Variants in PRKN observed in about 807,000 individuals in gnomAD.
PRKN encodes parkin RBR E3 ubiquitin protein ligase.
Under a neutral mutation model 59.5 loss-of-function variants are expected in PRKN, and 56 were observed. That is an observed-to-expected ratio of 0.94 (90% CI 0.76 to 1.18). The LOEUF (loss-of-function observed/expected upper bound fraction) is 1.18. Ranked by LOEUF, PRKN falls within the 50% of genes most tolerant of loss-of-function variation. PRKN has a pLI of 0.00. For synonymous variants in PRKN, 250 were observed against 222.1 expected (o/e 1.13, Z -1.12); for missense variants, 657 against 596.4 (o/e 1.10, Z -1.06).
chr6:161,569,851 A>G lies in PRKN; in HGVS notation c.872-435T>C, dbSNP rs535479586. Among the ~76,000 whole-genome samples, 70 of 152,112 alleles carry G rather than the reference A, an allele frequency of 4.6e-4. 1 individual carries two copies. Among genetic ancestry groups the G allele is most frequent in the Non-Finnish European group, 8.4e-4 (57 of 68,034 alleles). ...CACCATCAAGGCCAGGGGCCTGCTC[A>G]TTGAGAGGTAAGAGCAAAGGTCGGG... On this transcript the variant is annotated intron_variant, in intron 7 of 11. Transcript: ENST00000366898.
intron 1 of PRKN, among the ~76,000 whole-genome samples, chr6:162,460,684 A>C (rs1440568163): frequency 1.3e-5 from 2 of 152,160 alleles, no homozygotes; most frequent in African/African-American, 4.8e-5. Context: ...CTTCACTTTA[A>C]ATGTTTTTTC....
At chr6:162,583,276 T>C (rs550775126) in intron 1 of PRKN, among the ~76,000 whole-genome samples, 62 of 152,326 alleles carry the variant, frequency 4.1e-4, no homozygotes, top group Non-Finnish European at 7.2e-4. Flanking sequence ...TATTCTGTTA[T>C]AGCAGCATAA....
At position 161,369,684 on chromosome 6, in the gene PRKN, G is replaced by A. The variant is rs1210043042; in HGVS notation, c.1168-9479C>T. 6.6e-6 allele frequency among the ~76,000 whole-genome samples: 1 copy of A among 152,060 alleles called. No individual in the cohort carries two copies. The highest frequency in any genetic ancestry group is 1.9e-4 in the East Asian group (1 of 5,184). On this transcript the variant is annotated intron_variant, in intron 10 of 11. Coordinates refer to ENST00000366898, the MANE Select transcript of PRKN (RefSeq NM_004562.3). The surrounding 1 kb of genome is among the most constrained non-coding windows in gnomAD (Gnocchi z 5.8). ...GTGTGTACGCACGCGTGGTGGAGGT[G>A]GGGGTGGAACAGGACAAGTCTCTCT...
In PRKN at chr6:161,447,833, C is replaced by A. The variant is rs1364798086; in HGVS notation, c.1084-60956G>T. Among the ~76,000 whole-genome samples, 1 of 152,102 alleles carries A rather than the reference C, an allele frequency of 6.6e-6. No individual in the cohort carries two copies. The highest frequency in any genetic ancestry group is 2.4e-5 in the African/African-American group (1 of 41,430). Reference sequence around the variant, plus strand: ...ACACATACATACATATATGTAAAAACAAAAGAAAATTTCAGGACCTTCCAA... The same window carrying A: ...ACACATACATACATATATGTAAAAAAAAAAGAAAATTTCAGGACCTTCCAA... On this transcript the variant is annotated intron_variant, in intron 9 of 11. Coordinates refer to ENST00000366898, the MANE Select transcript of PRKN (RefSeq NM_004562.3). The surrounding 1 kb of genome is among the most constrained non-coding windows in gnomAD (Gnocchi z 4.1).
chr6:161,368,728 C>T (rs1266374241), intron 10 of PRKN, among the ~76,000 whole-genome samples: 2 of 151,846 alleles, frequency 1.3e-5, no homozygotes, highest in African/African-American at 4.8e-5. Context: ...CCCACCCGCC[C>T]TTCTGCCCTG....
At chr6:162,716,782 A>ACG (rs747110353) in intron 1 of PRKN, among the ~76,000 whole-genome samples, 2,040 of 128,304 alleles carry the variant, frequency 0.016, 44 homozygotes, top group African/African-American at 0.066. Context: ...GCACACACAC[A>ACG]CGCGCACACA....
chr6:161,734,244 T>C (rs915704489), intron 7 of PRKN, among the ~76,000 whole-genome samples: 1 of 152,114 alleles, frequency 6.6e-6, no homozygotes, highest in Admixed American at 6.5e-5. Context: ...TTCCAGCCCA[T>C]ACAAAGTCAT....
At chr6:161,879,965 C>A (rs888959994) in intron 6 of PRKN, among the ~76,000 whole-genome samples, 1 of 152,056 alleles carries the variant, frequency 6.6e-6, no homozygotes, top group African/African-American at 2.4e-5. Flanking sequence ...GATGAAAATG[C>A]ACAGAATAAA....
At chr6:162,299,163 G>A (rs551999400) in intron 2 of PRKN, among the ~76,000 whole-genome samples, 8 of 152,332 alleles carry the variant, frequency 5.3e-5, no homozygotes, top group Admixed American at 3.9e-4. Flanking sequence ...CCTTAACAGC[G>A]AAGACGCATC....
chr6:162,292,721 C>T (rs1423926677), intron 2 of PRKN, among the ~76,000 whole-genome samples: 1 of 152,148 alleles, frequency 6.6e-6, no homozygotes, highest in East Asian at 1.9e-4. Context: ...AGCACCACTG[C>T]CTTCCTTAGA....
At chr6:161,945,785 G>T (rs754612340) in intron 6 of PRKN, among the ~76,000 whole-genome samples, 2 of 152,178 alleles carry the variant, frequency 1.3e-5, no homozygotes, top group Non-Finnish European at 2.9e-5. Flanking sequence ...AGCTAGACAT[G>T]ACAGTTTCCC....
At chr6:162,302,963 TACACACACACAC>T (rs71004084) in intron 2 of PRKN, among the ~76,000 whole-genome samples, 7 of 139,494 alleles carry the variant, frequency 5.0e-5, no homozygotes, top group Admixed American at 2.1e-4. Flanking sequence ...GCCTTAAACA[TACACACACACAC>T]ACACACACAC....
chr6:162,511,991 C>A (rs1362909583), intron 1 of PRKN, among the ~76,000 whole-genome samples: 1 of 152,066 alleles, frequency 6.6e-6, no homozygotes, highest in East Asian at 1.9e-4. Context: ...AAGCACAACA[C>A]CTTATATTTA....
intron 2 of PRKN, among the ~76,000 whole-genome samples, chr6:162,387,371 C>T (rs1029844765): frequency 3.3e-5 from 5 of 151,798 alleles, no homozygotes; most frequent in African/African-American, 9.7e-5. Context: ...AATTTACAAG[C>T]ACAAATTCTC....
intron 2 of PRKN, among the ~76,000 whole-genome samples, chr6:162,326,235 C>A (rs1389780327): frequency 1.3e-5 from 2 of 152,074 alleles, no homozygotes; most frequent in Non-Finnish European, 2.9e-5. Context: ...ATACACGAAT[C>A]ATAAAGTAGA....
At position 161,566,653 on chromosome 6, in the gene PRKN, C is replaced by T. The variant is rs906390714; in HGVS notation, c.933+2702G>A. 3.3e-5 allele frequency among the ~76,000 whole-genome samples: 5 copies of T among 152,244 alleles called. No homozygotes were observed. The highest frequency in any genetic ancestry group is 4.2e-4 in the South Asian group (2 of 4,816). ...GACTCCTGACCTCAGGTGATCCATT[C>T]GCCTTAGCCTCCCAAAGATGTGGGA... On this transcript the variant is annotated intron_variant, in intron 8 of 11. Transcript: ENST00000366898. This position sits in a 1 kb window ranked among gnomAD's most constrained non-coding sequence, Gnocchi z 4.1.
In PRKN at chr6:162,056,892, C is replaced by CGG. The variant is rs1278569694; in HGVS notation, c.535-2719_535-2718insCC. 6.6e-6 allele frequency among the ~76,000 whole-genome samples: 1 copy of CGG among 152,158 alleles called. No homozygotes were observed. Among genetic ancestry groups the CGG allele is most frequent in the Non-Finnish European group, 1.5e-5 (1 of 68,036 alleles). ...CGCGTTGTCACAACTGAGTGCCTCT[C>CGG]GAGTGACCACTGGGGGAGGACTCAG... On this transcript the variant is annotated intron_variant, in intron 4 of 11. Coordinates refer to ENST00000366898, the MANE Select transcript of PRKN (RefSeq NM_004562.3). This position sits in a 1 kb window ranked among gnomAD's most constrained non-coding sequence, Gnocchi z 4.9.
chr6:161,750,255 G>C (rs1213304488), intron 7 of PRKN, among the ~76,000 whole-genome samples: 1 of 151,884 alleles, frequency 6.6e-6, no homozygotes, highest in African/African-American at 2.4e-5. Context: ...GCAAAATATA[G>C]GCTGTAATTT....
At chr6:162,221,965 A>G (rs1209121788) in intron 3 of PRKN, among the ~76,000 whole-genome samples, 1 of 152,204 alleles carries the variant, frequency 6.6e-6, no homozygotes. Context: ...CAGTTAATAC[A>G]CTTTCTAAGA....
Sources: gnomAD v4.1 joint callset for allele counts (sites outside exome capture counted in the v4.1 genomes callset) on GRCh38, gnomAD v4.1.1 for gene constraint, Gnocchi (gnomAD v3.1) non-coding constraint, MANE v1.5 for transcripts, NCBI Gene and HGNC (gene_info 2026-07-23, HGNC 2026-07-21) for gene names.